The following CPNE5 variants were observed in gnomAD, a reference collection of about 807,000 sequenced individuals.
CPNE5 encodes the protein copine 5, also known as copine-5.
A neutral mutation model predicts 81.1 loss-of-function variants in CPNE5; 42 were observed. The ratio of observed to expected loss-of-function variants is 0.52; its 90% CI spans 0.40 to 0.67. The LOEUF is 0.67. CPNE5 is among the 30% of genes least tolerant of loss of function. The pLI is 0.00. For synonymous variants in CPNE5, 313 were observed against 321.5 expected, an observed-to-expected ratio of 0.97 and a Z score of 0.28; for missense variants, 612 against 815.5, an observed-to-expected ratio of 0.75 and a Z score of 3.04.
Position 36,823,091 on chromosome 6 carries a change from G to C in CPNE5, c.103C>G (p.Leu35Val). 1 of 1,571,378 alleles carries C rather than the reference G, an allele frequency of 6.4e-7. No homozygotes were observed. The change falls in exon 2 of 21, where the codon CTG (leucine) becomes GTG (valine). Residue 35 changes from leucine to valine, a missense_variant. By Grantham distance (32) the Leu-to-Val change is conservative (BLOSUM62 1). Transcript: ENST00000244751. The stretch of plus-strand genomic sequence containing the variant: ...GACTTGGAAAACATGTCTTTGTCCA[G>C]GAGGTTCCTGAAAGAGGGGGAGAGA... ...VEITVSCRNL[L>V]DKDMFSKSDP... is the part of the protein sequence containing the mutation.
intron 12 of CPNE5, among the ~76,000 whole-genome samples, chr6:36,762,227 C>A (rs866478490): frequency 1.2e-3 from 149 of 122,882 alleles, no homozygotes; most frequent in Non-Finnish European, 1.5e-3. Flanking sequence ...GGCCCTGTCT[C>A]AAAAAAAAAA....
At position 36,806,793 on chromosome 6, in the gene CPNE5, A is replaced by G. The variant is rs568932641; in HGVS notation, c.184-6723T>C. 2.0e-5 allele frequency among the ~76,000 whole-genome samples: 3 copies of G among 152,356 alleles called. No homozygotes were observed. The East Asian group carries it at 5.8e-4, about 29-fold the overall frequency. On this transcript the variant is annotated intron_variant, in intron 3 of 20. Coordinates refer to ENST00000244751, the MANE Select transcript of CPNE5 (RefSeq NM_020939.2). ...AACATTCATGTCACCAAGAAAGTGC[A>G]TGACTCCCGATCATGCAGCAAAGAT... is the stretch of plus-strand genomic sequence containing the variant.
intron 3 of CPNE5, among the ~76,000 whole-genome samples, chr6:36,814,406 T>C (rs545210499): frequency 2.8e-4 from 42 of 152,310 alleles, no homozygotes; most frequent in Non-Finnish European, 4.0e-4. Flanking sequence ...TGGCAATAAA[T>C]GTGAAATCAC....
chr6:36,830,362 G>A (rs899255586), intron 1 of CPNE5, among the ~76,000 whole-genome samples: 2 of 152,156 alleles, frequency 1.3e-5, no homozygotes, highest in Admixed American at 6.5e-5. Context: ...GGTTTCCCAT[G>A]TCCTCCTGCC....
intron 3 of CPNE5, among the ~76,000 whole-genome samples, chr6:36,808,572 G>A (rs1351144331): frequency 6.6e-6 from 1 of 152,114 alleles, no homozygotes; most frequent in Non-Finnish European, 1.5e-5. Flanking sequence ...TCCCAGGCCT[G>A]CCTTGTGTTG....
At chr6:36,776,386 G>A (rs910950579) in intron 9 of CPNE5, among the ~76,000 whole-genome samples, 1 of 152,240 alleles carries the variant, frequency 6.6e-6, no homozygotes, top group African/African-American at 2.4e-5. Context: ...ACCCACTGGA[G>A]TGTGGAGATG....
chr6:36,823,871 G>A (rs1772274775), intron 1 of CPNE5, among the ~76,000 whole-genome samples: 1 of 152,184 alleles, frequency 6.6e-6, no homozygotes. Flanking sequence ...GGCAGGTATT[G>A]TCCCATCTTA....
intron 10 of CPNE5, among the ~76,000 whole-genome samples, chr6:36,771,771 G>A (rs770958989): frequency 2.0e-5 from 3 of 151,922 alleles, no homozygotes; most frequent in Non-Finnish European, 4.4e-5. Context: ...TACCCTGGAG[G>A]GCCTTCTGAT....
chr6:36,763,112 G>T, intron 11 of CPNE5, 120 bp from the exon 12 acceptor site: 2 of 823,568 alleles, frequency 2.4e-6, no homozygotes, highest in East Asian at 2.5e-5. Flanking sequence ...CACTCCAGGG[G>T]CACACGCCAG....
rs1681492999 is a variant in CPNE5 at position 36,741,544 on chromosome 6, T to G, written c.*724A>C. 6.6e-6 allele frequency: 1 copy of G among 151,704 alleles called. No homozygotes were observed. The highest frequency in any genetic ancestry group is 6.6e-5 in the Admixed American group (1 of 15,244). The allele number at this position is 151,704 out of a possible 1,614,324, so 9.4% of individuals were successfully genotyped here. ...AGGAAGGGATTCCTGAAGCCAGGAGTCAACCATGGAAGTACCTGTGGGCCC... is the reference window on the plus strand; with the variant it reads ...AGGAAGGGATTCCTGAAGCCAGGAGGCAACCATGGAAGTACCTGTGGGCCC... On this transcript the variant is annotated 3_prime_UTR_variant, in exon 21 of 21. Coordinates refer to ENST00000244751, the MANE Select transcript of CPNE5 (RefSeq NM_020939.2).
In CPNE5 at chr6:36,755,670, G is replaced by A. The variant is rs78315381; in HGVS notation, c.909+575C>T. ...CTCAGTAAGTATTTGCTGAAGAAGC[G>A]TATGAATGTCCTCAAGACCAGCCCC... On this transcript the variant is annotated intron_variant, in intron 13 of 20. Coordinates refer to ENST00000244751, the MANE Select transcript of CPNE5 (RefSeq NM_020939.2). 5.3e-3 allele frequency: 848 copies of A among 158,524 alleles called. 6 individuals are homozygous for A. Among genetic ancestry groups the A allele is most frequent in the African/African-American group, 0.019 (794 of 41,522 alleles). The allele number at this position is 158,524 out of a possible 1,614,324, so 9.8% of individuals were successfully genotyped here.
At chr6:36,786,242 C>G (rs236412) in intron 8 of CPNE5, among the ~76,000 whole-genome samples, 101,571 of 151,952 alleles carry the variant, frequency 0.67, 35,865 homozygotes, top group East Asian at 0.97. Context: ...GGAGGAGGAG[C>G]CTGGAGCTGG....
chr6:36,805,871 A>G (rs1002174206), intron 3 of CPNE5, among the ~76,000 whole-genome samples: 8 of 152,186 alleles, frequency 5.3e-5, no homozygotes, highest in Admixed American at 2.0e-4. Context: ...ATTACATACC[A>G]TCAGTTCCAG....
intron 4 of CPNE5, 116 bp from the exon 5 acceptor site, chr6:36,798,610 G>T: frequency 1.2e-6 from 1 of 839,630 alleles, no homozygotes; most frequent in Non-Finnish European, 2.0e-6. Flanking sequence ...CCAACACAGT[G>T]AATATTTCTA....
intron 6 of CPNE5, among the ~76,000 whole-genome samples, chr6:36,796,233 G>A (rs193118790): frequency 3.2e-4 from 48 of 152,362 alleles, no homozygotes; most frequent in African/African-American, 1.1e-3. Context: ...ACAGGCATGA[G>A]CTACTGAGCC....
At chr6:36,744,428 A>T (rs931273770) in intron 18 of CPNE5, 103 bp from the exon 19 acceptor site, 10 of 856,260 alleles carry the variant, frequency 1.2e-5, no homozygotes, top group Admixed American at 4.0e-5. Context: ...GGCAGGAAAG[A>T]AATGGGAGAG....
upstream of CPNE5, chr6:36,839,662 A>AGAGAGGGGCGCGGG (rs1405571878): frequency 1.2e-5 from 2 of 172,860 alleles, no homozygotes; most frequent in African/African-American, 5.1e-5. This position sits in a 1 kb window ranked among gnomAD's most constrained non-coding sequence, Gnocchi z 7.3. Flanking sequence ...CGGGGAAGGC[A>AGAGAGGGGCGCGGG]GAGAGGGGCG....
In CPNE5 at chr6:36,798,244, G is replaced by A; in HGVS notation, c.328-3C>T. 1 of 1,612,638 alleles carries A rather than the reference G, an allele frequency of 6.2e-7. No individual in the cohort carries two copies. Among genetic ancestry groups the A allele is most frequent in the Non-Finnish European group, 8.5e-7 (1 of 1,179,234 alleles). ...CAGAAGGCCTGGCCCAGGAAATCCT[G>A]CATATCCAGGGAACAGAAGAGACCA... On this transcript the variant is annotated splice_region_variant and splice_polypyrimidine_tract_variant and intron_variant, in intron 5 of 20. Coordinates refer to ENST00000244751, the MANE Select transcript of CPNE5 (RefSeq NM_020939.2).
chr6:36,788,418 C>T (rs1197066914), intron 8 of CPNE5, among the ~76,000 whole-genome samples: 2 of 152,096 alleles, frequency 1.3e-5, no homozygotes, highest in Non-Finnish European at 2.9e-5. Flanking sequence ...TTCCCTGTAC[C>T]GTGAGGGCTC....
Sources: allele counts gnomAD v4.1 joint callset (sites outside exome capture counted in the v4.1 genomes callset), GRCh38; gene constraint gnomAD v4.1.1; non-coding constraint Gnocchi (gnomAD v3.1); transcripts MANE v1.5; gene names NCBI Gene and HGNC (gene_info 2026-07-23, HGNC 2026-07-21).